SCN9A: variants seen among roughly 807,000 people sequenced by gnomAD.
SCN9A encodes sodium voltage-gated channel alpha subunit 9.
SCN9A carries 131 observed loss-of-function variants against 187.0 expected under a neutral mutation model. The ratio of observed to expected loss-of-function variants is 0.70; its 90% CI spans 0.61 to 0.81. SCN9A has a LOEUF of 0.81. SCN9A is among the 30% of genes least tolerant of loss of function. The pLI, the probability that SCN9A is intolerant of heterozygous loss-of-function variation, is 0.00. For synonymous variants in SCN9A, 809 were observed against 808.6 expected (o/e 1.00, Z -0.01); for missense variants, 2,252 against 2,396.6 (o/e 0.94, Z 1.26).
At chr2:166,328,325 G>A (rs563260674) in intron 1 of SCN9A, among the ~76,000 whole-genome samples, 9 of 151,986 alleles carry the variant, frequency 5.9e-5, no homozygotes, top group African/African-American at 1.9e-4. Context: ...TTGTGTCATG[G>A]GGGTTTGTTT....
intron 12 of SCN9A, among the ~76,000 whole-genome samples, chr2:166,282,900 T>G (rs897193552): frequency 6.6e-6 from 1 of 152,144 alleles, no homozygotes; most frequent in African/African-American, 2.4e-5. Context: ...TTTGTCAGAT[T>G]AAACAAATTA....
chr2:166,347,889 G>C (rs1034127665), intron 1 of SCN9A, among the ~76,000 whole-genome samples: 1 of 152,162 alleles, frequency 6.6e-6, no homozygotes, highest in Non-Finnish European at 1.5e-5. Context: ...AAGAGACAAA[G>C]GAGGATAAAT....
chr2:166,284,963 C>G, intron 11 of SCN9A, 139 bp from the exon 12 acceptor site: 4 of 881,754 alleles, frequency 4.5e-6, no homozygotes, highest in Non-Finnish European at 6.7e-6. Flanking sequence ...AAAAACGAAG[C>G]AATTCAGTGA....
At position 166,242,635 on chromosome 2, in the gene SCN9A, C is replaced by T; in HGVS notation, c.3494G>A (p.Cys1165Tyr). 6.4e-7 allele frequency: 1 copy of T among 1,551,600 alleles called. No homozygotes were observed. The highest frequency in any genetic ancestry group is 8.7e-7 in the Non-Finnish European group (1 of 1,146,680). Residue 1165 changes from cysteine to tyrosine, a missense_variant, in exon 19 of 27, where the codon TGC (cysteine) becomes TAC (tyrosine). Around this residue, in one of 7 missense-constraint regions of SCN9A, gnomAD observed 313 missense variants for 295.3 expected, o/e 1.06. Coordinates refer to ENST00000642356, the MANE Select transcript of SCN9A (RefSeq NM_001365536.1). ...CCCTGACTCTATGTTAACTTGGCAG[C>T]ATGAGAACCTCCATACACAACCTGA... ...FTDGCVWRFS[C>Y]CQVNIESGKG...
At position 166,242,636 on chromosome 2, in the gene SCN9A, A is replaced by G. The variant is rs1331753435; in HGVS notation, c.3493T>C (p.Cys1165Arg). 1.3e-6 allele frequency: 2 copies of G among 1,551,562 alleles called. No homozygotes were observed. The highest frequency in any genetic ancestry group is 1.2e-5 in the South Asian group (1 of 84,012). Residue 1165 changes from cysteine to arginine, a missense_variant, in exon 19 of 27, where the codon TGC (cysteine) becomes CGC (arginine). Around this residue, in one of 7 missense-constraint regions of SCN9A, gnomAD observed 313 missense variants for 295.3 expected, o/e 1.06. Coordinates refer to ENST00000642356, the MANE Select transcript of SCN9A (RefSeq NM_001365536.1). ...FTDGCVWRFS[C>R]CQVNIESGKG... ...CCTGACTCTATGTTAACTTGGCAGC[A>G]TGAGAACCTCCATACACAACCTGAC...
intron 1 of SCN9A, among the ~76,000 whole-genome samples, chr2:166,327,765 C>A (rs1323749024): frequency 2.0e-5 from 3 of 152,128 alleles, no homozygotes; most frequent in Non-Finnish European, 4.4e-5. Flanking sequence ...ATAATATAAT[C>A]TTATCAATTG....
rs202065267 is a variant in SCN9A at position 166,230,133 on chromosome 2, TG to T, written c.3925-1162del. Among the ~76,000 whole-genome samples, 1,485 of 152,272 alleles carry T rather than the reference TG, an allele frequency of 9.8e-3. 28 individuals carry two copies. Among genetic ancestry groups the T allele is most frequent in the African/African-American group, 0.033 (1,370 of 41,530 alleles). On this transcript the variant is annotated intron_variant, in intron 21 of 26. Coordinates refer to ENST00000642356, the MANE Select transcript of SCN9A (RefSeq NM_001365536.1). Reference sequence around the variant, plus strand: ...CCGTTGCAACTATTCAACTCTGCCATGGTAGTCATGGGTCATACATAAACAA... The same window carrying T: ...CCGTTGCAACTATTCAACTCTGCCATGTAGTCATGGGTCATACATAAACAA...
chr2:166,303,968 GT>G (rs989617532), intron 6 of SCN9A: 21 of 1,459,056 alleles, frequency 1.4e-5, no homozygotes, highest in African/African-American at 8.4e-5. Context: ...ATAAAGAAAG[GT>G]TTTTTTTATG....
chr2:166,250,838 G>A (rs1225039972), intron 18 of SCN9A, among the ~76,000 whole-genome samples: 1 of 152,034 alleles, frequency 6.6e-6, no homozygotes, highest in African/African-American at 2.4e-5. Flanking sequence ...ATCCTCTTAA[G>A]GGCTTGGGCC....
intron 16 of SCN9A, among the ~76,000 whole-genome samples, chr2:166,274,280 A>G (rs1386910290): frequency 6.6e-6 from 1 of 152,160 alleles, no homozygotes; most frequent in Non-Finnish European, 1.5e-5. Flanking sequence ...ACAAATCAAA[A>G]TAAAGTCCAT....
chr2:166,308,617 A>C (rs1208543984), intron 2 of SCN9A, among the ~76,000 whole-genome samples: 1 of 152,078 alleles, frequency 6.6e-6, no homozygotes, highest in Non-Finnish European at 1.5e-5. Context: ...AGTTCTTTAT[A>C]GCAGTGTAAA....
chr2:166,271,427 T>C (rs1402253294), intron 17 of SCN9A, among the ~76,000 whole-genome samples: 2 of 151,860 alleles, frequency 1.3e-5, no homozygotes, highest in Non-Finnish European at 2.9e-5. Flanking sequence ...CCAAGCAAAG[T>C]GTGGAGAGTG....
intron 16 of SCN9A, 58 bp from the exon 17 acceptor site, chr2:166,272,933 A>G (rs1697068849): frequency 1.3e-6 from 1 of 786,288 alleles, no homozygotes; most frequent in Non-Finnish European, 1.9e-6. Context: ...TATAAAAAAT[A>G]AAATAAAATA....
At chr2:166,228,294 T>C (rs997326091) in intron 22 of SCN9A, among the ~76,000 whole-genome samples, 8 of 143,466 alleles carry the variant, frequency 5.6e-5, no homozygotes, top group Non-Finnish European at 1.0e-4. Context: ...TCTCGCTCTG[T>C]AGCCCAGGCT....
At position 166,210,892 on chromosome 2, in the gene SCN9A, T is replaced by G. The variant is rs571380137; in HGVS notation, c.4399-6428A>C. 3.9e-5 allele frequency among the ~76,000 whole-genome samples: 6 copies of G among 151,970 alleles called. No homozygotes were observed. The South Asian group carries it at 1.2e-3, about 32-fold the overall frequency. ...CTGGCCAACATGGCAAAACCACATCTCTACCAAAAATTACAAAAATCAGCT... is the reference window on the plus strand; with the variant it reads ...CTGGCCAACATGGCAAAACCACATCGCTACCAAAAATTACAAAAATCAGCT... On this transcript the variant is annotated intron_variant, in intron 24 of 26. Transcript: ENST00000642356.
At chr2:166,332,174 T>G (rs1268629224) in intron 1 of SCN9A, among the ~76,000 whole-genome samples, 1 of 152,174 alleles carries the variant, frequency 6.6e-6, no homozygotes, top group Admixed American at 6.5e-5. Flanking sequence ...TCCCTTGTGC[T>G]GGGTCTATGT....
At chr2:166,358,353 A>G (rs2105310256) in intron 1 of SCN9A, among the ~76,000 whole-genome samples, 1 of 152,074 alleles carries the variant, frequency 6.6e-6, no homozygotes, top group East Asian at 1.9e-4. Flanking sequence ...CACAAACATG[A>G]GCCACCACAC....
intron 1 of SCN9A, among the ~76,000 whole-genome samples, chr2:166,370,589 A>G (rs1483634080): frequency 2.6e-5 from 4 of 152,034 alleles, no homozygotes; most frequent in Non-Finnish European, 4.4e-5. Context: ...AAAATCAGAT[A>G]ATACAGGGAG....
chr2:166,319,525 A>G (rs916710642), intron 1 of SCN9A, among the ~76,000 whole-genome samples: 2 of 152,100 alleles, frequency 1.3e-5, no homozygotes, highest in African/African-American at 4.8e-5. Context: ...AGCAGAGAGG[A>G]TCCACTTGAG....
Sources: allele counts gnomAD v4.1 joint callset (sites outside exome capture counted in the v4.1 genomes callset), GRCh38; gene constraint gnomAD v4.1.1; regional missense constraint gnomAD v4.1.1; transcripts MANE v1.5; gene names NCBI Gene and HGNC (gene_info 2026-07-23, HGNC 2026-07-21).